AK5: variants seen among roughly 807,000 people sequenced by gnomAD.
The protein encoded by AK5 is adenylate kinase isoenzyme 5.
A neutral mutation model predicts 69.5 loss-of-function variants in AK5; 27 were observed. The observed-to-expected ratio is 0.39, with a 90% CI of 0.29 to 0.54. The LOEUF (loss-of-function observed/expected upper bound fraction) is 0.54, where lower values mean the gene tolerates loss of function less well. AK5 is among the 20% of genes least tolerant of loss of function. AK5 has a pLI of 0.71. For synonymous variants in AK5, 260 were observed against 244.4 expected, an observed-to-expected ratio of 1.06 and a Z score of -0.60; for missense variants, 531 against 700.4, an observed-to-expected ratio of 0.76 and a Z score of 2.73.
chr1:77,295,404 T>A (rs1658938110), intron 3 of AK5, among the ~76,000 whole-genome samples: 1 of 152,250 alleles, frequency 6.6e-6, no homozygotes, highest in South Asian at 2.1e-4. Context: ...TATATCTACC[T>A]TGAATTGTTA....
intron 13 of AK5, among the ~76,000 whole-genome samples, chr1:77,543,921 G>A (rs1659407466): frequency 6.6e-6 from 1 of 150,472 alleles, no homozygotes; most frequent in Non-Finnish European, 1.5e-5. Flanking sequence ...GTGTGTATGT[G>A]AGAGTACACA....
intron 12 of AK5, among the ~76,000 whole-genome samples, chr1:77,531,336 C>G (rs868022022): frequency 6.6e-6 from 1 of 152,186 alleles, no homozygotes; most frequent in Non-Finnish European, 1.5e-5. Context: ...CCACTGCAGG[C>G]TAGGATCTGG....
chr1:77,521,643 A>G (rs560422587), intron 11 of AK5, among the ~76,000 whole-genome samples, 184 bp from the exon 12 acceptor site: 67 of 152,304 alleles, frequency 4.4e-4, no homozygotes, highest in African/African-American at 1.5e-3. Context: ...ATACCTGCCA[A>G]TTTCATAGAT....
In AK5 at chr1:77,293,876, G is replaced by A; in HGVS notation, c.331G>A (p.Asp111Asn). The A allele has an allele frequency of 6.2e-7, 1 of 1,613,708 alleles. No individual in the cohort carries two copies. The change falls in exon 3 of 14, where the codon GAT becomes AAT. Residue 111 changes from aspartate to asparagine, a missense_variant. Coordinates refer to ENST00000354567, the MANE Select transcript of AK5 (RefSeq NM_174858.3). ...IHQFSIESDT[D>N]LSETAELIEE... ...TCAATTCTCCATAGAAAGTGACACG[G>A]ATCTCTCTGAGACTGCAGAGTTGAT...
chr1:77,414,705 C>T (rs191989507), intron 7 of AK5, among the ~76,000 whole-genome samples: 30 of 152,238 alleles, frequency 2.0e-4, no homozygotes, highest in Admixed American at 1.6e-3. Flanking sequence ...AAATTCAAAA[C>T]GGGGAAAATG....
chr1:77,458,791 A>C (rs2221084), intron 8 of AK5, among the ~76,000 whole-genome samples: 49,290 of 152,090 alleles, frequency 0.32, 8,535 homozygotes, highest in East Asian at 0.59. Flanking sequence ...GGACACAGAG[A>C]CAAACCACAT....
chr1:77,554,920 C>T (rs972834953), intron 13 of AK5, among the ~76,000 whole-genome samples: 12 of 152,024 alleles, frequency 7.9e-5, no homozygotes, highest in Middle Eastern at 3.4e-3. Flanking sequence ...CCAGCCTCTG[C>T]GGTTATTTTT....
intron 8 of AK5, among the ~76,000 whole-genome samples, chr1:77,444,998 G>A (rs1652657498): frequency 6.6e-6 from 1 of 152,036 alleles, no homozygotes; most frequent in African/African-American, 2.4e-5. Context: ...GTGACAAATG[G>A]CAGGATCTCT....
intron 13 of AK5, among the ~76,000 whole-genome samples, chr1:77,558,302 T>TTGTG (rs1418308572): frequency 6.6e-6 from 1 of 152,222 alleles, no homozygotes; most frequent in African/African-American, 2.4e-5. Context: ...GTGTACCATT[T>TTGTG]TGTGTTCCCA....
rs559322270 is a variant in AK5, at chr1:77,312,266, G to C, written c.699+14319G>C. Among the ~76,000 whole-genome samples the C allele has an allele frequency of 7.9e-5, 12 of 152,182 alleles. No homozygotes were observed. In the South Asian group the frequency reaches 2.5e-3, roughly 32 times the overall value. On this transcript the variant is annotated intron_variant, in intron 5 of 13. Transcript: ENST00000354567. ...TGGATATGGGTTGAGTTGTATAGTC[G>C]CTGTGCCCTTCACCATAATCTTCTA...
intron 8 of AK5, among the ~76,000 whole-genome samples, chr1:77,431,011 C>A (rs1478379301): frequency 6.6e-6 from 1 of 152,074 alleles, no homozygotes; most frequent in Non-Finnish European, 1.5e-5. Context: ...GGTGGAGAGA[C>A]TGGCATGAGA....
At chr1:77,369,187 G>C (rs1647073956) in intron 6 of AK5, among the ~76,000 whole-genome samples, 1 of 152,056 alleles carries the variant, frequency 6.6e-6, no homozygotes, top group African/African-American at 2.4e-5. Context: ...AGATCAGAAA[G>C]CTCAAGTTCA....
At chr1:77,307,639 A>T (rs575252455) in intron 5 of AK5, among the ~76,000 whole-genome samples, 1 of 152,260 alleles carries the variant, frequency 6.6e-6, no homozygotes, top group South Asian at 2.1e-4. Context: ...ATAGGTGCAG[A>T]TTAAGTATGA....
At chr1:77,337,348 TA>T (rs1260357281) in intron 5 of AK5, among the ~76,000 whole-genome samples, 1 of 152,180 alleles carries the variant, frequency 6.6e-6, no homozygotes, top group East Asian at 1.9e-4. Flanking sequence ...TGTATTAAAG[TA>T]AAACATTTCA....
chr1:77,386,090 T>G (rs1648005765), intron 6 of AK5, among the ~76,000 whole-genome samples: 1 of 152,222 alleles, frequency 6.6e-6, no homozygotes, highest in Non-Finnish European at 1.5e-5. Flanking sequence ...AGGCTTGGAA[T>G]AGTCATAACC....
chr1:77,417,954 C>T (rs1650540006), intron 8 of AK5: 2 of 360,268 alleles, frequency 5.6e-6, no homozygotes, highest in East Asian at 6.3e-5. Context: ...TATCATCAAA[C>T]GTTAACATGG....
chr1:77,385,033 T>C (rs1342854155), intron 6 of AK5, among the ~76,000 whole-genome samples: 1 of 146,624 alleles, frequency 6.8e-6, no homozygotes, highest in Non-Finnish European at 1.5e-5. Flanking sequence ...TGTTGATTAA[T>C]ATATTGCTAT....
intron 12 of AK5, chr1:77,531,999 C>G (rs926202780): frequency 7.2e-6 from 1 of 139,334 alleles, no homozygotes; most frequent in Admixed American, 6.9e-5. Context: ...TCCGGCCGGC[C>G]GGCCGGCCGC....
chr1:77,345,460 G>A (rs1661868965), intron 6 of AK5, among the ~76,000 whole-genome samples: 1 of 152,162 alleles, frequency 6.6e-6, no homozygotes, highest in African/African-American at 2.4e-5. Flanking sequence ...ATAGACCAAT[G>A]TTTCCCTAAT....
Sources: gnomAD v4.1 joint callset for allele counts (sites outside exome capture counted in the v4.1 genomes callset) on GRCh38, gnomAD v4.1.1 for gene constraint, MANE v1.5 for transcripts, NCBI Gene and HGNC (gene_info 2026-07-23, HGNC 2026-07-21) for gene names.